ARMC1: variants seen among roughly 807,000 people sequenced by gnomAD.
The protein encoded by ARMC1 is armadillo repeat containing 1, also known as armadillo repeat-containing protein 1.
ARMC1 carries 16 observed loss-of-function variants against 31.4 expected under a neutral mutation model. The observed-to-expected ratio is 0.51, with a 90% CI of 0.34 to 0.77. The LOEUF is 0.77. ARMC1 is among the 30% of genes least tolerant of loss of function. The pLI is 0.01. For missense variants in ARMC1, 259 were observed against 347.5 expected, an observed-to-expected ratio of 0.75 and a Z score of 2.02; for synonymous variants, 114 against 118.9, an observed-to-expected ratio of 0.96 and a Z score of 0.27.
Position 65,622,344 on chromosome 8 carries a change from T to C in ARMC1, c.194A>G (p.Tyr65Cys). 1 of 1,613,934 alleles carries C rather than the reference T, an allele frequency of 6.2e-7. No individual in the cohort carries two copies. The highest frequency in any genetic ancestry group is 8.5e-7 in the Non-Finnish European group (1 of 1,179,842). ...VVHSALLALRYLAECRANREK... is the reference protein window; with the variant it reads ...VVHSALLALRCLAECRANREK... ...TCTGTTTGCACGGCATTCTGCCAAG[T>C]ATCGAAGAGCCTACAGCAGAAGAAG... Residue 65 changes from tyrosine (Y) to cysteine (C), a missense_variant, in exon 3 of 7, where the codon TAC becomes TGC. By Grantham distance (194) the Tyr-to-Cys change is radical (BLOSUM62 -2). Around this residue, in one of 3 missense-constraint regions of ARMC1, gnomAD observed 163 missense variants for 186.7 expected, o/e 0.87. Transcript: ENST00000276569.
intron 2 of ARMC1, among the ~76,000 whole-genome samples, chr8:65,623,204 A>G (rs1355926399): frequency 1.3e-5 from 2 of 148,844 alleles, no homozygotes; most frequent in Non-Finnish European, 3.0e-5. Flanking sequence ...GCTACTCAGG[A>G]GGCTGAGGCA....
chr8:65,605,696 A>T (rs893860108), intron 4 of ARMC1, among the ~76,000 whole-genome samples, 158 bp from the exon 5 acceptor site: 1 of 152,164 alleles, frequency 6.6e-6, no homozygotes, highest in Non-Finnish European at 1.5e-5. Context: ...GCTTAGTCAA[A>T]TTTTTTAAAT....
At chr8:65,625,384 C>T (rs1047297075) in intron 2 of ARMC1, among the ~76,000 whole-genome samples, 3 of 152,142 alleles carry the variant, frequency 2.0e-5, no homozygotes, top group Admixed American at 6.6e-5. Flanking sequence ...TGAATCATAT[C>T]GATTCAGTAT....
At chr8:65,612,328 T>A (rs368109106) in intron 4 of ARMC1, among the ~76,000 whole-genome samples, 3 of 148,746 alleles carry the variant, frequency 2.0e-5, no homozygotes, top group Non-Finnish European at 4.5e-5. Flanking sequence ...TGGTGGCACA[T>A]GTCTATAGTC....
intron 3 of ARMC1, among the ~76,000 whole-genome samples, chr8:65,618,728 A>G (rs1808329842): frequency 6.6e-6 from 1 of 151,902 alleles, no homozygotes; most frequent in East Asian, 1.9e-4. Flanking sequence ...AACCATCCCA[A>G]TGTTTGGAAA....
intron 3 of ARMC1, among the ~76,000 whole-genome samples, chr8:65,615,299 T>C (rs1244517742): frequency 1.3e-5 from 2 of 151,940 alleles, no homozygotes; most frequent in African/African-American, 4.8e-5. Context: ...TTAGAGTTTA[T>C]TGAAAAGTCA....
intron 3 of ARMC1, among the ~76,000 whole-genome samples, chr8:65,615,193 A>C (rs576354642): frequency 2.6e-5 from 4 of 152,272 alleles, no homozygotes; most frequent in African/African-American, 9.6e-5. Context: ...GACCACAGAG[A>C]TAAGTTACTT....
At chr8:65,631,023 TATA>T (rs1218497277) in intron 1 of ARMC1, among the ~76,000 whole-genome samples, 6 of 152,230 alleles carry the variant, frequency 3.9e-5, no homozygotes, top group Admixed American at 1.3e-4. Context: ...GGGTTTACTG[TATA>T]ACAGAGGCAG....
intron 1 of ARMC1, among the ~76,000 whole-genome samples, chr8:65,631,566 C>T (rs1237002440): frequency 6.6e-6 from 1 of 152,180 alleles, no homozygotes; most frequent in Admixed American, 6.5e-5. Flanking sequence ...ATCAATATTT[C>T]TGTGGATTGC....
chr8:65,625,022 G>A (rs988037703), intron 2 of ARMC1, among the ~76,000 whole-genome samples: 5 of 152,204 alleles, frequency 3.3e-5, no homozygotes, highest in African/African-American at 1.2e-4. Flanking sequence ...TCAGAAGGCT[G>A]AGGCAGGAGA....
intron 3 of ARMC1, among the ~76,000 whole-genome samples, chr8:65,619,668 A>G (rs12335276): frequency 0.64 from 96,439 of 151,692 alleles, 30,883 homozygotes; most frequent in African/African-American, 0.69. Context: ...GCAACATGTC[A>G]AGACCCCATC....
intron 3 of ARMC1, among the ~76,000 whole-genome samples, chr8:65,617,171 C>G (rs187389581): frequency 6.6e-6 from 1 of 152,082 alleles, no homozygotes. Flanking sequence ...GCGGTTTTGT[C>G]GAATAGAAAA....
rs981009434 is a variant in ARMC1, at chr8:65,611,448, T to G, written c.465+1796A>C. ...TTTCTTGTTTCTTCTCTTCTGCTTG[T>G]TGTGGCTTTAATTTGTTCTTCTTTT... On this transcript the variant is annotated intron_variant, in intron 4 of 6. Transcript: ENST00000276569. Among the ~76,000 whole-genome samples the G allele has an allele frequency of 3.3e-5, 5 of 151,308 alleles. No homozygotes were observed. The South Asian group carries it at 6.3e-4, about 19-fold the overall frequency.
intron 4 of ARMC1, among the ~76,000 whole-genome samples, chr8:65,611,298 A>C (rs1808134936): frequency 6.6e-6 from 1 of 152,034 alleles, no homozygotes; most frequent in Non-Finnish European, 1.5e-5. Flanking sequence ...TGATATTGAT[A>C]ATTTATGACT....
At chr8:65,626,225 A>G (rs1345940524) in intron 2 of ARMC1, among the ~76,000 whole-genome samples, 1 of 152,070 alleles carries the variant, frequency 6.6e-6, no homozygotes, top group African/African-American at 2.4e-5. Context: ...CATTTTTGCC[A>G]GAATAGGCAA....
chr8:65,616,224 A>C (rs1585709714), intron 3 of ARMC1, among the ~76,000 whole-genome samples: 1 of 151,226 alleles, frequency 6.6e-6, no homozygotes, highest in South Asian at 2.1e-4. Context: ...GCTCACTACA[A>C]CCTCCCTGCC....
chr8:65,623,544 G>A, intron 2 of ARMC1, among the ~76,000 whole-genome samples: 1 of 151,328 alleles, frequency 6.6e-6, no homozygotes, highest in East Asian at 2.0e-4. Context: ...AGGAGGCGGA[G>A]GTTGCAGTGA....
intron 4 of ARMC1, among the ~76,000 whole-genome samples, chr8:65,609,767 A>G (rs1325961307): frequency 6.6e-6 from 1 of 150,586 alleles, no homozygotes; most frequent in Non-Finnish European, 1.5e-5. Context: ...CTGAGGCAGG[A>G]GAATCATTTG....
Position 65,622,366 on chromosome 8 carries a change from G to T in ARMC1, c.184-12C>A. 1 of 1,607,026 alleles carries T rather than the reference G, an allele frequency of 6.2e-7. No individual in the cohort carries two copies. ...AAGTATCGAAGAGCCTACAGCAGAAGAAGTAATAAGTTAATTCGTCTGTCC... is the reference window on the plus strand; with the variant it reads ...AAGTATCGAAGAGCCTACAGCAGAATAAGTAATAAGTTAATTCGTCTGTCC... On this transcript the variant is annotated splice_polypyrimidine_tract_variant and intron_variant, in intron 2 of 6. Coordinates refer to ENST00000276569, the MANE Select transcript of ARMC1 (RefSeq NM_018120.6).
Sources: gnomAD v4.1 joint callset for allele counts (sites outside exome capture counted in the v4.1 genomes callset) on GRCh38, gnomAD v4.1.1 for gene constraint, gnomAD v4.1.1 regional missense constraint, MANE v1.5 for transcripts, NCBI Gene and HGNC (gene_info 2026-07-23, HGNC 2026-07-21) for gene names.